LEKR1: variants seen among roughly 807,000 people sequenced by gnomAD.
The protein encoded by LEKR1 is protein LEKR1.
Under a neutral mutation model 72.4 loss-of-function variants are expected in LEKR1, and 59 were observed. The ratio of observed to expected loss-of-function variants is 0.82; its 90% CI spans 0.66 to 1.01. The LOEUF is 1.01. LEKR1 is among the 50% of genes least tolerant of loss of function. LEKR1 has a pLI of 0.00. For missense variants in LEKR1, 728 were observed against 759.2 expected (o/e 0.96, Z 0.48); for synonymous variants, 257 against 263.2 (o/e 0.98, Z 0.23).
intron 3 of LEKR1, among the ~76,000 whole-genome samples, chr3:156,899,349 T>C (rs990734650): frequency 9.9e-5 from 12 of 121,054 alleles, no homozygotes; most frequent in South Asian, 7.0e-4. Flanking sequence ...TACACATATA[T>C]ACATGTATAT....
chr3:156,910,266 T>C (rs1177322407), intron 3 of LEKR1, among the ~76,000 whole-genome samples: 1 of 152,122 alleles, frequency 6.6e-6, no homozygotes, highest in African/African-American at 2.4e-5. Flanking sequence ...TAACTAATAG[T>C]TTGTCAGCCC....
At chr3:156,896,051 C>A (rs928258845) in intron 3 of LEKR1, among the ~76,000 whole-genome samples, 7 of 152,150 alleles carry the variant, frequency 4.6e-5, no homozygotes, top group Admixed American at 2.6e-4. Context: ...AGAGCATGTC[C>A]TTTGCAGGGA....
At chr3:156,963,231 C>G (rs1728276943) in intron 6 of LEKR1, among the ~76,000 whole-genome samples, 1 of 152,182 alleles carries the variant, frequency 6.6e-6, no homozygotes, top group Non-Finnish European at 1.5e-5. Context: ...TCTGTCTTCT[C>G]TGTCATACAC....
At chr3:156,857,675 T>A (rs1716233963) in intron 3 of LEKR1, among the ~76,000 whole-genome samples, 1 of 152,224 alleles carries the variant, frequency 6.6e-6, no homozygotes, top group Non-Finnish European at 1.5e-5. Flanking sequence ...TTTGGATAAT[T>A]TCTTTATTAA....
rs148160101 is a variant in LEKR1, at chr3:156,939,980, ATG to A, written c.560-2545_560-2544del. On this transcript the variant is annotated intron_variant, in intron 5 of 12. Transcript: ENST00000356539. ...TCAATTAAAAATGTTTCTTTTGGAT[ATG>A]TGTTTTAACTGCCTATCCTACTCTG... Among the ~76,000 whole-genome samples, 442 of 152,214 alleles carry A rather than the reference ATG, an allele frequency of 2.9e-3. 2 individuals carry two copies. The highest frequency in any genetic ancestry group is 0.01 in the African/African-American group (422 of 41,558).
chr3:156,880,680 G>T (rs1229531205), intron 3 of LEKR1, among the ~76,000 whole-genome samples: 3 of 152,098 alleles, frequency 2.0e-5, no homozygotes, highest in South Asian at 2.1e-4. Context: ...TACCAAAGCC[G>T]GGCAGAGACA....
chr3:156,914,972 A>G (rs574972698), intron 3 of LEKR1, among the ~76,000 whole-genome samples: 17 of 151,870 alleles, frequency 1.1e-4, no homozygotes, highest in Admixed American at 8.5e-4. Context: ...CCCAGTGTCT[A>G]TTGTTCCCCT....
intron 2 of LEKR1, among the ~76,000 whole-genome samples, chr3:156,837,778 G>C (rs1013429237): frequency 1.3e-5 from 2 of 152,158 alleles, no homozygotes; most frequent in South Asian, 2.1e-4. Flanking sequence ...AGTTTGCGCA[G>C]AAAGGGGCCA....
chr3:156,886,373 C>T (rs1428927340), intron 3 of LEKR1, among the ~76,000 whole-genome samples: 43 of 152,092 alleles, frequency 2.8e-4, no homozygotes, highest in Admixed American at 2.8e-3. Flanking sequence ...CAAACCTTGC[C>T]CCTCCCCATA....
chr3:157,034,874 G>A (rs919038704), intron 12 of LEKR1, among the ~76,000 whole-genome samples: 8 of 152,056 alleles, frequency 5.3e-5, no homozygotes, highest in East Asian at 3.9e-4. Flanking sequence ...GTGCAGTGGC[G>A]CAATCTCAGC....
At chr3:156,951,792 G>A (rs375759336) in intron 6 of LEKR1, among the ~76,000 whole-genome samples, 1 of 150,842 alleles carries the variant, frequency 6.6e-6, no homozygotes, top group Non-Finnish European at 1.5e-5. Context: ...TAACTTTTTC[G>A]AAAAACCTAC....
At chr3:156,951,605 G>C (rs888928662) in intron 6 of LEKR1, among the ~76,000 whole-genome samples, 2 of 151,578 alleles carry the variant, frequency 1.3e-5, no homozygotes, top group African/African-American at 4.8e-5. Context: ...TATGTGTCCA[G>C]GTATGTATGC....
chr3:157,022,929 A>G (rs1464216312), intron 10 of LEKR1, among the ~76,000 whole-genome samples: 1 of 152,208 alleles, frequency 6.6e-6, no homozygotes, highest in African/African-American at 2.4e-5. Flanking sequence ...CTGTATAAAC[A>G]TAATTACATT....
chr3:156,972,912 C>T (rs1225070287), intron 6 of LEKR1, among the ~76,000 whole-genome samples: 1 of 151,714 alleles, frequency 6.6e-6, no homozygotes, highest in African/African-American at 2.4e-5. Flanking sequence ...TATATAAGGA[C>T]AAATAAATAT....
chr3:156,903,437 C>T (rs1187640407), intron 3 of LEKR1, among the ~76,000 whole-genome samples: 1 of 152,024 alleles, frequency 6.6e-6, no homozygotes, highest in Non-Finnish European at 1.5e-5. Flanking sequence ...AGTCTTCAAA[C>T]CAACCTCTTA....
intron 2 of LEKR1, among the ~76,000 whole-genome samples, chr3:156,847,020 T>C (rs1714695318): frequency 6.6e-6 from 1 of 152,046 alleles, no homozygotes; most frequent in Admixed American, 6.6e-5. Flanking sequence ...CTCACCGTGT[T>C]GTCCAGGCTC....
intron 2 of LEKR1, among the ~76,000 whole-genome samples, chr3:156,844,711 T>A (rs1714361801): frequency 6.6e-6 from 1 of 152,126 alleles, no homozygotes; most frequent in African/African-American, 2.4e-5. Context: ...TATTGCTGAG[T>A]AGTATTCCAT....
intron 3 of LEKR1, among the ~76,000 whole-genome samples, chr3:156,894,415 G>A (rs1720974473): frequency 6.6e-6 from 1 of 152,152 alleles, no homozygotes; most frequent in Non-Finnish European, 1.5e-5. Context: ...TTAAATTTAT[G>A]TTTGGAAAAT....
At chr3:156,888,985 T>C (rs1370128792) in intron 3 of LEKR1, among the ~76,000 whole-genome samples, 1 of 152,232 alleles carries the variant, frequency 6.6e-6, no homozygotes, top group Non-Finnish European at 1.5e-5. Context: ...TAGATTTCTT[T>C]ATTAATAATC....
Sources: gnomAD v4.1 joint callset for allele counts (sites outside exome capture counted in the v4.1 genomes callset) on GRCh38, gnomAD v4.1.1 for gene constraint, MANE v1.5 for transcripts, NCBI Gene and HGNC (gene_info 2026-07-23, HGNC 2026-07-21) for gene names.